TSHZ3: variants seen among roughly 807,000 people sequenced by gnomAD.
The protein encoded by TSHZ3 is teashirt homolog 3.
A neutral mutation model predicts 64.5 loss-of-function variants in TSHZ3; 10 were observed. The ratio of observed to expected loss-of-function variants is 0.16; its 90% CI spans 0.10 to 0.26. The LOEUF (loss-of-function observed/expected upper bound fraction) is 0.26, where lower values mean the gene tolerates loss of function less well. Ranked by LOEUF, TSHZ3 falls within the 10% of genes least tolerant of loss-of-function variation. The pLI, the probability that TSHZ3 is intolerant of heterozygous loss-of-function variation, is 1.00. For synonymous variants in TSHZ3, 608 were observed against 593.1 expected (o/e 1.03, Z -0.36); for missense variants, 1,242 against 1,421.7 (o/e 0.87, Z 2.03).
chr19:31,216,799 C>T (rs1337549749), intron 4 of TSHZ3, among the ~76,000 whole-genome samples: 1 of 151,678 alleles, frequency 6.6e-6, no homozygotes, highest in African/African-American at 2.4e-5. Flanking sequence ...CACGCCTGGC[C>T]AATTTTTTTT....
chr19:31,218,339 A>G (rs1285938675), intron 4 of TSHZ3, among the ~76,000 whole-genome samples: 3 of 152,252 alleles, frequency 2.0e-5, no homozygotes, highest in African/African-American at 7.2e-5. Context: ...TACAACTTAG[A>G]GCAACACTGA....
intron 1 of TSHZ3, among the ~76,000 whole-genome samples, chr19:31,348,081 C>G (rs550982357): frequency 4.0e-4 from 61 of 152,358 alleles, no homozygotes; most frequent in Admixed American, 1.2e-3. Context: ...ATCTGAACCT[C>G]TGCACATCTG....
Position 31,279,322 on chromosome 19 carries a change from G to C in TSHZ3, c.471C>G (p.Ser157Arg). ...NGSSSSSSSS[S>R]SSCGSGSFDW... Reference sequence around the variant, plus strand: ...CGAAGCTCCCGCTGCCACAGCTGCTGCTGCTGCTACTGCTGCTGCTGCTGC... The same window carrying C: ...CGAAGCTCCCGCTGCCACAGCTGCTCCTGCTGCTACTGCTGCTGCTGCTGC... The change falls in exon 2 of 2, where the codon AGC (serine) becomes AGG (arginine). Residue 157 changes from serine (S) to arginine (R), a missense_variant. Transcript: ENST00000240587. The surrounding 1 kb of genome is among the most constrained non-coding windows in gnomAD (Gnocchi z 6.4). The C allele has an allele frequency of 6.2e-7, 1 of 1,613,792 alleles. No homozygotes were observed. The highest frequency in any genetic ancestry group is 8.5e-7 in the Non-Finnish European group (1 of 1,179,838).
intron 1 of TSHZ3, among the ~76,000 whole-genome samples, chr19:31,288,327 G>A (rs183276559): frequency 4.6e-5 from 7 of 152,192 alleles, no homozygotes; most frequent in African/African-American, 7.2e-5. Context: ...CAGCAGGCAC[G>A]AAGTCCTCTT....
At chr19:31,199,294 C>T (rs1165021878) in intron 5 of TSHZ3, among the ~76,000 whole-genome samples, 4 of 150,966 alleles carry the variant, frequency 2.6e-5, no homozygotes, top group Non-Finnish European at 5.9e-5. Flanking sequence ...GTCCCAGCTA[C>T]TCAGGAGGCT....
chr19:31,306,159 C>T (rs1418751676), intron 1 of TSHZ3, among the ~76,000 whole-genome samples: 1 of 152,200 alleles, frequency 6.6e-6, no homozygotes, highest in Non-Finnish European at 1.5e-5. Flanking sequence ...ACCGTGTGCG[C>T]TCATTCCCGG....
intron 1 of TSHZ3, among the ~76,000 whole-genome samples, chr19:31,314,479 A>G (rs1346493227): frequency 6.6e-6 from 1 of 152,118 alleles, no homozygotes; most frequent in African/African-American, 2.4e-5. Context: ...CTTCTGCCCA[A>G]CCTTCTCAGG....
intron 6 of TSHZ3, among the ~76,000 whole-genome samples, chr19:31,156,002 G>A (rs74847370): frequency 0.014 from 2,063 of 152,276 alleles, 35 homozygotes; most frequent in East Asian, 0.067. Context: ...TTTTGTTATT[G>A]TTGTTAACCA....
chr19:31,167,215 C>G (rs1974466963), intron 5 of TSHZ3, among the ~76,000 whole-genome samples: 1 of 152,232 alleles, frequency 6.6e-6, no homozygotes, highest in South Asian at 2.1e-4. Flanking sequence ...AATTTAACAT[C>G]TGCTGCCACC....
In TSHZ3 at chr19:31,330,518, G is replaced by C. The variant is rs367742930; in HGVS notation, c.40+18662C>G. Among the ~76,000 whole-genome samples the C allele has an allele frequency of 2.0e-5, 3 of 152,180 alleles. No individual in the cohort carries two copies. The East Asian group carries it at 5.8e-4, about 29-fold the overall frequency. On this transcript the variant is annotated intron_variant, in intron 1 of 1. Coordinates refer to ENST00000240587, the MANE Select transcript of TSHZ3 (RefSeq NM_020856.4). ...CTGGCCTGGCCTGGGTCACACCCTC[G>C]GTCAGCATCGCCCCAATGTCACTCT... is the stretch of plus-strand genomic sequence containing the variant.
chr19:31,245,082 A>G (rs117215538), intron 1 of TSHZ3, among the ~76,000 whole-genome samples: 486 of 152,350 alleles, frequency 3.2e-3, no homozygotes, highest in Non-Finnish European at 5.4e-3. Context: ...TCTGGATGAT[A>G]GTGTTGATTG....
intron 3 of TSHZ3, among the ~76,000 whole-genome samples, chr19:31,228,862 G>A (rs1283577521): frequency 1.3e-5 from 2 of 152,166 alleles, no homozygotes; most frequent in African/African-American, 4.8e-5. Context: ...TCCTGGAAGT[G>A]AGTGTTCTCA....
intron 1 of TSHZ3, among the ~76,000 whole-genome samples, chr19:31,307,270 A>G (rs1916327235): frequency 6.7e-6 from 1 of 150,244 alleles, no homozygotes; most frequent in African/African-American, 2.5e-5. Context: ...AAAGAGTGCC[A>G]TTGTACCCCT....
rs1976218231 is a variant in TSHZ3 at position 31,275,761 on chromosome 19, T to A, written c.*786A>T. On this transcript the variant is annotated 3_prime_UTR_variant, in exon 2 of 2. Coordinates refer to ENST00000240587, the MANE Select transcript of TSHZ3 (RefSeq NM_020856.4). ...GCTATCTGTGGTATCTTCTGTATAA[T>A]TTACAATGTTTGCATGTAAAAAACA... 1 of 152,548 alleles carries A rather than the reference T, an allele frequency of 6.6e-6. No individual in the cohort carries two copies. Among genetic ancestry groups the A allele is most frequent in the South Asian group, 2.1e-4 (1 of 4,826 alleles). The allele number at this position is 152,548 out of a possible 1,614,324, so 9.4% of individuals were successfully genotyped here.
chr19:31,290,907 A>G (rs1976554380), intron 1 of TSHZ3, among the ~76,000 whole-genome samples: 1 of 152,232 alleles, frequency 6.6e-6, no homozygotes, highest in Non-Finnish European at 1.5e-5. Context: ...TAGCAAGGTC[A>G]GGAATATTAA....
At chr19:31,204,345 C>T (rs1291121932) in intron 5 of TSHZ3, among the ~76,000 whole-genome samples, 2 of 151,074 alleles carry the variant, frequency 1.3e-5, no homozygotes, top group African/African-American at 2.4e-5. Flanking sequence ...TTTCCTCCTT[C>T]CCTCCCGTCC....
At chr19:31,325,721 G>A (rs1048515920) in intron 1 of TSHZ3, among the ~76,000 whole-genome samples, 2 of 152,182 alleles carry the variant, frequency 1.3e-5, no homozygotes, top group Admixed American at 6.5e-5. Flanking sequence ...CTATACAAAG[G>A]CGTGTGCAGA....
intron 1 of TSHZ3, among the ~76,000 whole-genome samples, chr19:31,330,567 C>T (rs1177292331): frequency 6.6e-6 from 1 of 152,178 alleles, no homozygotes; most frequent in African/African-American, 2.4e-5. Context: ...CTCCTCCCTA[C>T]CCACTCCCAC....
chr19:31,248,803 A>G (rs1248896523), intron 1 of TSHZ3, among the ~76,000 whole-genome samples: 2 of 150,466 alleles, frequency 1.3e-5, no homozygotes, highest in East Asian at 3.9e-4. Flanking sequence ...AAAAAAAAAA[A>G]GAAGAAGAAG....
Sources: gnomAD v4.1 joint callset for allele counts (sites outside exome capture counted in the v4.1 genomes callset) on GRCh38, gnomAD v4.1.1 for gene constraint, Gnocchi (gnomAD v3.1) non-coding constraint, MANE v1.5 for transcripts, NCBI Gene and HGNC (gene_info 2026-07-23, HGNC 2026-07-21) for gene names.